RSRP1: variants seen among roughly 807,000 people sequenced by gnomAD.
The protein encoded by RSRP1 is arginine and serine rich protein 1.
A neutral mutation model predicts 33.0 loss-of-function variants in RSRP1; 37 were observed. That is an observed-to-expected ratio of 1.12 (90% CI 0.86 to 1.48). RSRP1 has a LOEUF of 1.48. RSRP1 is among the 40% of genes most tolerant of loss of function. RSRP1 has a pLI of 0.00. For synonymous variants in RSRP1, 167 were observed against 158.7 expected (o/e 1.05, Z -0.40); for missense variants, 402 against 385.3 (o/e 1.04, Z -0.36).
chr1:25,256,016 A>C (rs574675550), intron 1 of RSRP1, among the ~76,000 whole-genome samples: 1 of 152,208 alleles, frequency 6.6e-6, no homozygotes, highest in Admixed American at 6.5e-5. Flanking sequence ...AGGGTGATAC[A>C]TATCAACCAT....
chr1:25,268,239 CCGGG>C (rs1640383890), intron 1 of RSRP1, among the ~76,000 whole-genome samples: 1 of 132,928 alleles, frequency 7.5e-6, no homozygotes, highest in Non-Finnish European at 1.8e-5. Flanking sequence ...AAATACACGG[CCGGG>C]CGCAGTGGCT....
Position 25,243,592 on chromosome 1 carries a change from A to G in RSRP1, c.714T>C (p.Asn238=), listed in dbSNP as rs1557480824. ...TGCTTCTTTGCTGGGTAGGTTTTTC[A>G]TTGGGATTTCGAGTTCCATCTTCTG... The part of the protein sequence containing the change: ...KVTEDGTRNP[N]EKPTQQRSIA... Residue 238 remains asparagine, a synonymous_variant, in exon 4 of 5, where the codon AAT becomes AAC. Coordinates refer to ENST00000243189, the MANE Select transcript of RSRP1 (RefSeq NM_020317.5). The G allele has an allele frequency of 6.2e-7, 1 of 1,613,854 alleles. No individual in the cohort carries two copies. Among genetic ancestry groups the G allele is most frequent in the Non-Finnish European group, 8.5e-7 (1 of 1,179,850 alleles).
Position 25,307,159 on chromosome 1 carries a change from C to T in RSRP1, c.-67+30819G>A, listed in dbSNP as rs1399972467. Among the ~76,000 whole-genome samples, 2 of 132,360 alleles carry T rather than the reference C, an allele frequency of 1.5e-5. 1 individual carries two copies. The highest frequency in any genetic ancestry group is 3.6e-5 in the Non-Finnish European group (2 of 55,960). The allele number at this position is 132,360 out of a possible 152,430, so 86.8% of individuals were successfully genotyped here. On this transcript the variant is annotated intron_variant, in intron 1 of 1. Coordinates refer to the RSRP1 transcript ENST00000561867. ...AATGGAGATAATGATACTATCTCCC[C>T]TCACAGGACTGTTGGGATGCTACTG... is the stretch of plus-strand genomic sequence containing the variant.
At chr1:25,313,202 T>G (rs1644261084) in intron 1 of RSRP1, among the ~76,000 whole-genome samples, 1 of 130,308 alleles carries the variant, frequency 7.7e-6, no homozygotes, top group African/African-American at 2.6e-5. Flanking sequence ...TGAGCTGACA[T>G]GCTCTTGCCC....
chr1:25,330,802 T>G lies in RSRP1; in HGVS notation c.-67+7176A>C, dbSNP rs1260375242. Among the ~76,000 whole-genome samples, 10 of 129,970 alleles carry G rather than the reference T, an allele frequency of 7.7e-5. No homozygotes were observed. In the East Asian group the frequency reaches 2.0e-3, roughly 25 times the overall value. 85.3% of individuals were successfully genotyped at this position (129,970 alleles called of 152,430 possible). ...CCACTCAGACTTAAACAACAGAAAT[T>G]TATTTCCTTATAGTTCTGGAGGCTG... is the stretch of plus-strand genomic sequence containing the variant. On this transcript the variant is annotated intron_variant, in intron 1 of 1. Transcript: ENST00000561867.
rs1275296979 is a variant in RSRP1 at position 25,308,940 on chromosome 1, A to G, written c.-67+29038T>C. On this transcript the variant is annotated intron_variant, in intron 1 of 1. Coordinates refer to the RSRP1 transcript ENST00000561867. ...AATGGGAAAATAAGACCTATGTCAC[A>G]GGGTTGCTGTGCAGATTTAGCAACA... 2.3e-5 allele frequency among the ~76,000 whole-genome samples: 3 copies of G among 131,816 alleles called. 1 individual carries two copies. Among genetic ancestry groups the G allele is most frequent in the Non-Finnish European group, 5.4e-5 (3 of 55,896 alleles). 86.5% of individuals were successfully genotyped at this position (131,816 alleles called of 152,430 possible). A position where few individuals can be genotyped will look rare whatever the true frequency, so the allele number is the denominator to read the frequency against.
rs187865835 is a variant in RSRP1 at position 25,303,702 on chromosome 1, A to G, written c.-67+34276T>C. Reference sequence around the variant, plus strand: ...ATTGGGGAGAATTTGTTATCAGGCTACTGGGGTGTCACAGAACTCAAGGAC... The same window carrying G: ...ATTGGGGAGAATTTGTTATCAGGCTGCTGGGGTGTCACAGAACTCAAGGAC... On this transcript the variant is annotated intron_variant, in intron 1 of 1. Transcript: ENST00000561867. Among the ~76,000 whole-genome samples the G allele has an allele frequency of 3.8e-5, 5 of 131,872 alleles. 1 individual carries two copies. The highest frequency in any genetic ancestry group is 1.3e-4 in the African/African-American group (5 of 38,336). 86.5% of individuals were successfully genotyped at this position (131,872 alleles called of 152,430 possible).
chr1:25,266,302 GAGAA>G lies in RSRP1; in HGVS notation c.-66-19277_-66-19274del, dbSNP rs980243661. Among the ~76,000 whole-genome samples the G allele has an allele frequency of 2.3e-5, 3 of 130,514 alleles. 1 individual carries two copies. Among genetic ancestry groups the G allele is most frequent in the Non-Finnish European group, 5.4e-5 (3 of 55,520 alleles). 85.6% of individuals were successfully genotyped at this position (130,514 alleles called of 152,430 possible). A position where few individuals can be genotyped will look rare whatever the true frequency, so the allele number is the denominator to read the frequency against. On this transcript the variant is annotated intron_variant, in intron 1 of 1. Coordinates refer to the RSRP1 transcript ENST00000561867. Reference sequence around the variant, plus strand: ...AAAGGGTAGGGGCAAAAAACGCAAAGAGAAAGGAGTTAGTATCTTTTCTCCCGCA... The same window carrying G: ...AAAGGGTAGGGGCAAAAAACGCAAAGAGGAGTTAGTATCTTTTCTCCCGCA...
Position 25,282,382 on chromosome 1 carries a change from A to G in RSRP1, c.-66-35353T>C, listed in dbSNP as rs370072201. Among the ~76,000 whole-genome samples the G allele has an allele frequency of 1.1e-3, 145 of 130,836 alleles. 24 individuals are homozygous for G. Among genetic ancestry groups the G allele is most frequent in the East Asian group, 4.3e-3 (22 of 5,074 alleles). The allele number at this position is 130,836 out of a possible 152,430, so 85.8% of individuals were successfully genotyped here. A position where few individuals can be genotyped will look rare whatever the true frequency, so the allele number is the denominator to read the frequency against. ...CGAGTAGCTGGGATTACAGGTGCCC[A>G]CCACCACATCCAGCTAATTTTTTTG... On this transcript the variant is annotated intron_variant, in intron 1 of 1. Transcript: ENST00000561867.
Position 25,294,440 on chromosome 1 carries a change from G to A in RSRP1, c.-67+43538C>T. ...GGAGCAAAACACTGACAACCCTCTC[G>A]CTAGTCCAGTGGAGAGATGCAGCCT... On this transcript the variant is annotated intron_variant, in intron 1 of 1. Transcript: ENST00000561867. The A allele has an allele frequency of 5.8e-6, 4 of 691,572 alleles. 1 individual carries two copies. The highest frequency in any genetic ancestry group is 2.1e-5 in the Admixed American group (1 of 48,748). The allele number at this position is 691,572 out of a possible 1,614,324, so 42.8% of individuals were successfully genotyped here.
chr1:25,296,744 TTC>T (rs1339360234), intron 1 of RSRP1, among the ~76,000 whole-genome samples: 13 of 121,678 alleles, frequency 1.1e-4, no homozygotes, highest in African/African-American at 1.3e-4. Context: ...CTCTCTCTCT[TTC>T]TCTCTCTCTC....
chr1:25,242,770 G>T lies in RSRP1; in HGVS notation c.757-65C>A, dbSNP rs556337945. On this transcript the variant is annotated intron_variant, in intron 4 of 4. Transcript: ENST00000243189. ...TTGTACACTTTTTTCACAAAAAAAA[G>T]TACATTAAATAATCCCATGTATGAG... is the stretch of plus-strand genomic sequence containing the variant. 4.4e-6 allele frequency: 5 copies of T among 1,136,432 alleles called. No individual in the cohort carries two copies. In the East Asian group the frequency reaches 1.2e-4, roughly 27 times the overall value. 70.4% of individuals were successfully genotyped at this position (1,136,432 alleles called of 1,614,324 possible).
upstream of RSRP1, among the ~76,000 whole-genome samples, chr1:25,248,509 T>C (rs1376792208): frequency 2.0e-5 from 3 of 152,186 alleles, no homozygotes; most frequent in African/African-American, 7.2e-5. Flanking sequence ...GGGATCTAAC[T>C]GTGTTGCCCA....
At chr1:25,248,725 C>T (rs574904716), upstream of RSRP1, among the ~76,000 whole-genome samples, 60 of 152,336 alleles carry the variant, frequency 3.9e-4, no homozygotes, top group South Asian at 6.6e-3. Flanking sequence ...TCCACATCTC[C>T]TGAGGATGCA....
chr1:25,257,266 A>G (rs1639977962), intron 1 of RSRP1, among the ~76,000 whole-genome samples: 1 of 152,200 alleles, frequency 6.6e-6, no homozygotes, highest in African/African-American at 2.4e-5. Context: ...GTAATTAAAT[A>G]ATTAAGGTTT....
At position 25,305,301 on chromosome 1, in the gene RSRP1, A is replaced by C. The variant is rs1331472410; in HGVS notation, c.-67+32677T>G. On this transcript the variant is annotated intron_variant, in intron 1 of 1. Transcript: ENST00000561867. ...TCTAAAGGCATAGGGTCCACCCAGGAGCATGGTGGACCCAGATCCCTGAAA... is the reference window on the plus strand; with the variant it reads ...TCTAAAGGCATAGGGTCCACCCAGGCGCATGGTGGACCCAGATCCCTGAAA... Among the ~76,000 whole-genome samples, 13 of 132,292 alleles carry C rather than the reference A, an allele frequency of 9.8e-5. 1 individual carries two copies. The highest frequency in any genetic ancestry group is 2.9e-4 in the African/African-American group (11 of 38,392). 86.8% of individuals were successfully genotyped at this position (132,292 alleles called of 152,430 possible).
In RSRP1 at chr1:25,305,000, C is replaced by T. The variant is rs1436619759; in HGVS notation, c.-67+32978G>A. ...TCATCATTCCTTCATTCAACACATA[C>T]GTTTTAACACTCATCTTGCTTTTCA... On this transcript the variant is annotated intron_variant, in intron 1 of 1. Transcript: ENST00000561867. Among the ~76,000 whole-genome samples the T allele has an allele frequency of 6.0e-5, 8 of 132,288 alleles. 2 individuals are homozygous for T. Among genetic ancestry groups the T allele is most frequent in the African/African-American group, 1.6e-4 (6 of 38,368 alleles). The allele number at this position is 132,288 out of a possible 152,430, so 86.8% of individuals were successfully genotyped here.
At chr1:25,321,498 TAAAAAAA>T (rs1214598540) in intron 1 of RSRP1, among the ~76,000 whole-genome samples, 1 of 76,328 alleles carries the variant, frequency 1.3e-5, no homozygotes, top group Admixed American at 1.4e-4. Flanking sequence ...CCATCTCTAC[TAAAAAAA>T]AAAAAAAAAA....
chr1:25,301,387 G>C (rs1277043311), intron 1 of RSRP1: 1 of 890,394 alleles, frequency 1.1e-6, no homozygotes, highest in African/African-American at 1.7e-5. Flanking sequence ...GAGGGGAGAC[G>C]TGACTTCCCC....
Sources: allele counts gnomAD v4.1 joint callset (sites outside exome capture counted in the v4.1 genomes callset), GRCh38; gene constraint gnomAD v4.1.1; transcripts MANE v1.5; gene names NCBI Gene and HGNC (gene_info 2026-07-23, HGNC 2026-07-21).